ACSL3: variants seen among roughly 807,000 people sequenced by gnomAD.
The protein encoded by ACSL3 is fatty acid CoA ligase Acsl3.
In ACSL3, 34 loss-of-function variants were observed where a neutral mutation model predicts 84.7. The ratio of observed to expected loss-of-function variants is 0.40; its 90% CI spans 0.31 to 0.53. The LOEUF (loss-of-function observed/expected upper bound fraction) is 0.53, where lower values mean the gene tolerates loss of function less well. ACSL3 is among the 20% of genes least tolerant of loss of function. ACSL3 has a pLI of 0.48. For missense variants in ACSL3, 680 were observed against 873.1 expected, an observed-to-expected ratio of 0.78 and a Z score of 2.79; for synonymous variants, 315 against 299.4, an observed-to-expected ratio of 1.05 and a Z score of -0.54.
intron 3 of ACSL3, among the ~76,000 whole-genome samples, chr2:222,902,393 C>G (rs571773512): frequency 6.6e-6 from 1 of 152,152 alleles, no homozygotes; most frequent in Non-Finnish European, 1.5e-5. Context: ...ATCCCTGTAG[C>G]CATAAATTGC....
rs1452005910 is a variant in ACSL3, at chr2:222,944,342, ATC to A, written c.*2692_*2693del. Reference sequence around the variant, plus strand: ...TACAACTTTGAAAAAACTTTTAAAAATCTCTGATGTGTGGGCTCTTTTTTTCC... The same window carrying A: ...TACAACTTTGAAAAAACTTTTAAAAATCTGATGTGTGGGCTCTTTTTTTCC... On this transcript the variant is annotated 3_prime_UTR_variant, in exon 17 of 17. Transcript: ENST00000357430. The A allele has an allele frequency of 6.6e-6, 1 of 152,112 alleles. No homozygotes were observed. Among genetic ancestry groups the A allele is most frequent in the East Asian group, 1.9e-4 (1 of 5,202 alleles). The allele number at this position is 152,112 out of a possible 1,614,324, so 9.4% of individuals were successfully genotyped here.
intron 1 of ACSL3, among the ~76,000 whole-genome samples, chr2:222,881,139 A>G (rs1695583700): frequency 6.6e-6 from 1 of 152,234 alleles, no homozygotes. Flanking sequence ...ACATTGTTTA[A>G]TGTAATATAT....
At chr2:222,902,571 G>A (rs1696179567) in intron 3 of ACSL3, among the ~76,000 whole-genome samples, 1 of 152,158 alleles carries the variant, frequency 6.6e-6, no homozygotes, top group African/African-American at 2.4e-5. Flanking sequence ...TATTGATGCA[G>A]GATTCTTGCT....
At chr2:222,938,794 C>G (rs1456350486) in intron 16 of ACSL3, among the ~76,000 whole-genome samples, 2 of 152,056 alleles carry the variant, frequency 1.3e-5, no homozygotes, top group African/African-American at 4.8e-5. Context: ...CCATTCATTC[C>G]TTAGGTTCTC....
At chr2:222,929,330 T>A (rs1696963058) in intron 13 of ACSL3, among the ~76,000 whole-genome samples, 1 of 152,106 alleles carries the variant, frequency 6.6e-6, no homozygotes, top group Non-Finnish European at 1.5e-5. Flanking sequence ...GCTTCAACCT[T>A]GTATTATTAG....
At chr2:222,899,453 A>G (rs888963296) in intron 2 of ACSL3, among the ~76,000 whole-genome samples, 1 of 152,088 alleles carries the variant, frequency 6.6e-6, no homozygotes, top group East Asian at 1.9e-4. Flanking sequence ...CCAGCCAGGC[A>G]ACGGACGGGA....
intron 7 of ACSL3, 193 bp from the exon 8 acceptor site, chr2:222,921,087 C>T: frequency 1.4e-6 from 1 of 699,942 alleles, no homozygotes; most frequent in Non-Finnish European, 2.6e-6. Flanking sequence ...GTTTGTATAT[C>T]TCAATAGAAT....
intron 3 of ACSL3, among the ~76,000 whole-genome samples, chr2:222,904,088 A>G (rs1696229837): frequency 6.6e-6 from 1 of 152,152 alleles, no homozygotes; most frequent in South Asian, 2.1e-4. Flanking sequence ...CAGCCTCAAC[A>G]TGGAGAAACC....
chr2:222,873,512 T>C, intron 1 of ACSL3, among the ~76,000 whole-genome samples: 1 of 152,338 alleles, frequency 6.6e-6, no homozygotes, highest in South Asian at 2.1e-4. Context: ...GTTTTTCTTC[T>C]AAGAATGTGT....
rs531330668 is a variant in ACSL3, at chr2:222,908,616, C to T, written c.-40-117C>T. The T allele has an allele frequency of 1.5e-5, 9 of 608,062 alleles. No homozygotes were observed. In the African/African-American group the frequency reaches 1.7e-4, roughly 12 times the overall value. 37.7% of individuals were successfully genotyped at this position (608,062 alleles called of 1,614,324 possible). ...AGAAATATCAAGACATTGTAGGGGA[C>T]CAGTGTGGTAGCTGCTGCCTGATAG... On this transcript the variant is annotated intron_variant, in intron 3 of 16. Transcript: ENST00000357430.
At position 222,897,728 on chromosome 2, in the gene ACSL3, C is replaced by T. The variant is rs1417230418; in HGVS notation, c.-147-2946C>T. Among the ~76,000 whole-genome samples the T allele has an allele frequency of 1.6e-3, 65 of 40,640 alleles. 30 individuals are homozygous for T. Among genetic ancestry groups the T allele is most frequent in the African/African-American group, 0.012 (64 of 5,220 alleles). 26.7% of individuals were successfully genotyped at this position (40,640 alleles called of 152,430 possible). On this transcript the variant is annotated intron_variant, in intron 2 of 16. Transcript: ENST00000357430. ...CGCGGTTAGGAGCTGGAGACCGGCCCGGCCAACACAGCAAAACCCCGTCTC... is the reference window on the plus strand; with the variant it reads ...CGCGGTTAGGAGCTGGAGACCGGCCTGGCCAACACAGCAAAACCCCGTCTC...
chr2:222,874,045 G>A (rs768663053), intron 1 of ACSL3, among the ~76,000 whole-genome samples: 5 of 150,994 alleles, frequency 3.3e-5, no homozygotes, highest in South Asian at 2.1e-4. Context: ...TTTTTGAGAC[G>A]GAGTCTCACT....
intron 3 of ACSL3, 50 bp from the exon 4 acceptor site, chr2:222,908,683 A>G: frequency 7.6e-7 from 1 of 1,309,530 alleles, no homozygotes; most frequent in Non-Finnish European, 1.0e-6. Context: ...TTTTCTTTAA[A>G]TTATTTTAAA....
intron 3 of ACSL3, among the ~76,000 whole-genome samples, chr2:222,908,115 A>G (rs1431476890): frequency 6.6e-6 from 1 of 152,238 alleles, no homozygotes; most frequent in Non-Finnish European, 1.5e-5. Flanking sequence ...AACGATATCT[A>G]ACATAGTGGA....
chr2:222,901,964 A>AAAAAAATG (rs57522671), intron 3 of ACSL3, among the ~76,000 whole-genome samples: 5,667 of 98,968 alleles, frequency 0.057, 1,402 homozygotes, highest in African/African-American at 0.16. Context: ...AAAAAAAAAA[A>AAAAAAATG]GAACTCAAAT....
Position 222,944,135 on chromosome 2 carries a change from A to G in ACSL3, c.*2481A>G, listed in dbSNP as rs548872939. 6.6e-6 allele frequency: 1 copy of G among 152,260 alleles called. No individual in the cohort carries two copies. The highest frequency in any genetic ancestry group is 1.5e-5 in the Non-Finnish European group (1 of 67,984). The allele number at this position is 152,260 out of a possible 1,614,324, so 9.4% of individuals were successfully genotyped here. A position where few individuals can be genotyped will look rare whatever the true frequency, so the allele number is the denominator to read the frequency against. ...TTTTTGCTGACACAGAACAAACCTGAAAGTAGTATCTACTTTCTAAATACT... is the reference window on the plus strand; with the variant it reads ...TTTTTGCTGACACAGAACAAACCTGGAAGTAGTATCTACTTTCTAAATACT... On this transcript the variant is annotated 3_prime_UTR_variant, in exon 17 of 17. Coordinates refer to ENST00000357430, the MANE Select transcript of ACSL3 (RefSeq NM_004457.5).
intron 4 of ACSL3, among the ~76,000 whole-genome samples, chr2:222,914,898 A>G (rs1397320192): frequency 1.3e-5 from 2 of 152,156 alleles, no homozygotes; most frequent in Non-Finnish European, 2.9e-5. Context: ...TGAGATTCAG[A>G]TTTCGTTTTA....
rs148618667 is a variant in ACSL3 at position 222,931,752 on chromosome 2, C to T, written c.1732+940C>T. Among the ~76,000 whole-genome samples, 1,179 of 152,266 alleles carry T rather than the reference C, an allele frequency of 7.7e-3. 12 individuals are homozygous for T. Among genetic ancestry groups the T allele is most frequent in the African/African-American group, 0.027 (1,122 of 41,532 alleles). On this transcript the variant is annotated intron_variant, in intron 14 of 16. Coordinates refer to ENST00000357430, the MANE Select transcript of ACSL3 (RefSeq NM_004457.5). The stretch of plus-strand genomic sequence containing the variant: ...TCTCCTAGAAGCTCAGTTCAGGGTG[C>T]CCCTGTTAACATTGTTCCCCTCTTC...
chr2:222,904,984 T>G (rs1163144480), intron 3 of ACSL3: 1 of 152,798 alleles, frequency 6.5e-6, no homozygotes, highest in African/African-American at 2.4e-5. Flanking sequence ...TGGGGAGACC[T>G]CTAGAGTAAG....
Sources: gnomAD v4.1 joint callset for allele counts (sites outside exome capture counted in the v4.1 genomes callset) on GRCh38, gnomAD v4.1.1 for gene constraint, MANE v1.5 for transcripts, NCBI Gene and HGNC (gene_info 2026-07-23, HGNC 2026-07-21) for gene names.